CSMD1: variants seen among roughly 807,000 people sequenced by gnomAD.
The protein encoded by CSMD1 is CUB and Sushi multiple domains 1.
Under a neutral mutation model 417.5 loss-of-function variants are expected in CSMD1, and 213 were observed. The ratio of observed to expected loss-of-function variants is 0.51; its 90% CI spans 0.46 to 0.57. CSMD1 has a LOEUF of 0.57. CSMD1 is among the 20% of genes least tolerant of loss of function. The probability of loss-of-function intolerance (pLI) is 0.00; values close to 1 mark genes in which losing one functional copy is unlikely to be tolerated. For missense variants in CSMD1, 6,923 were observed against 4,529.7 expected, an observed-to-expected ratio of 1.53 and a Z score of -15.17; for synonymous variants, 2,862 against 1,736.8, an observed-to-expected ratio of 1.65 and a Z score of -16.11.
intron 5 of CSMD1, among the ~76,000 whole-genome samples, chr8:3,901,468 T>G (rs1807746910): frequency 2.0e-5 from 3 of 152,222 alleles, no homozygotes; most frequent in South Asian, 2.1e-4. Context: ...TATTTTCCAC[T>G]TGATAGATCT....
At chr8:3,368,814 T>C (rs1298920756) in intron 19 of CSMD1, among the ~76,000 whole-genome samples, 1 of 152,210 alleles carries the variant, frequency 6.6e-6, no homozygotes, top group Non-Finnish European at 1.5e-5. Flanking sequence ...CATCTCTGGA[T>C]TATGTGAAGA....
intron 3 of CSMD1, among the ~76,000 whole-genome samples, chr8:4,269,079 C>T (rs775263736): frequency 3.9e-5 from 6 of 152,200 alleles, no homozygotes; most frequent in Admixed American, 1.3e-4. Context: ...GTTTTTGAGA[C>T]GGAGTCTCAC....
intron 12 of CSMD1, among the ~76,000 whole-genome samples, chr8:3,450,944 G>T (rs746604662): frequency 1.3e-5 from 2 of 152,074 alleles, no homozygotes; most frequent in Non-Finnish European, 2.9e-5. Context: ...GTGTAAAAGT[G>T]TTCCTATTTC....
chr8:3,792,396 C>G (rs1184108242), intron 5 of CSMD1, among the ~76,000 whole-genome samples: 1 of 152,180 alleles, frequency 6.6e-6, no homozygotes, highest in Non-Finnish European at 1.5e-5. Flanking sequence ...TGCCTCATTT[C>G]TTAACCATGA....
intron 26 of CSMD1, among the ~76,000 whole-genome samples, chr8:3,240,296 G>C (rs1799413576): frequency 6.6e-6 from 1 of 152,148 alleles, no homozygotes; most frequent in South Asian, 2.1e-4. Context: ...ACGGAAAGAG[G>C]AGTGGGGAAA....
intron 10 of CSMD1, among the ~76,000 whole-genome samples, chr8:3,546,791 C>A (rs1798685535): frequency 6.6e-6 from 1 of 152,298 alleles, no homozygotes; most frequent in Middle Eastern, 3.4e-3. Flanking sequence ...GAACAGGATT[C>A]TGCAGCTCCC....
chr8:4,068,534 A>T (rs770409795), intron 3 of CSMD1, among the ~76,000 whole-genome samples: 3 of 152,242 alleles, frequency 2.0e-5, no homozygotes, highest in Non-Finnish European at 4.4e-5. Context: ...CAAAATGCAG[A>T]AACATAAAAT....
chr8:3,343,917 A>C (rs1160233590), intron 22 of CSMD1, among the ~76,000 whole-genome samples: 1 of 152,160 alleles, frequency 6.6e-6, no homozygotes, highest in African/African-American at 2.4e-5. Context: ...AAGGACAACA[A>C]GATGTGCCGG....
chr8:3,721,074 C>T (rs561179933), intron 6 of CSMD1, among the ~76,000 whole-genome samples: 157 of 152,220 alleles, frequency 1.0e-3, no homozygotes, highest in African/African-American at 3.5e-3. Flanking sequence ...CTGCCCGCCT[C>T]GGCCTCCCAA....
At chr8:4,434,920 G>GA (rs1798071119) in intron 2 of CSMD1, among the ~76,000 whole-genome samples, 1 of 152,142 alleles carries the variant, frequency 6.6e-6, no homozygotes. Flanking sequence ...GACTCTGCAT[G>GA]ACAAAGTGAC....
At chr8:4,876,420 T>C (rs1005727392) in intron 1 of CSMD1, among the ~76,000 whole-genome samples, 48 of 152,106 alleles carry the variant, frequency 3.2e-4, no homozygotes, top group Non-Finnish European at 1.2e-4. Flanking sequence ...AGTGGCCTGT[T>C]TTTGTAAAGA....
At chr8:3,007,894 A>C (rs1412889041) in intron 52 of CSMD1, among the ~76,000 whole-genome samples, 1 of 152,094 alleles carries the variant, frequency 6.6e-6, no homozygotes, top group Non-Finnish European at 1.5e-5. Context: ...CACAATGTGC[A>C]CATGTACCCT....
At chr8:4,734,461 T>G (rs767906091) in intron 1 of CSMD1, among the ~76,000 whole-genome samples, 24 of 152,172 alleles carry the variant, frequency 1.6e-4, no homozygotes, top group Non-Finnish European at 3.5e-4. Context: ...CTGTGACTAA[T>G]AACTTTTCTT....
chr8:4,547,861 G>C (rs895844581), intron 2 of CSMD1, among the ~76,000 whole-genome samples: 2 of 152,152 alleles, frequency 1.3e-5, no homozygotes, highest in Non-Finnish European at 1.5e-5. Flanking sequence ...ACGGGGATTG[G>C]ACGGGATATC....
At chr8:4,084,708 C>G (rs1480405491) in intron 3 of CSMD1, among the ~76,000 whole-genome samples, 1 of 151,882 alleles carries the variant, frequency 6.6e-6, no homozygotes, top group Non-Finnish European at 1.5e-5. Flanking sequence ...TTAGCAATAA[C>G]AGAAAAAGCA....
rs970366039 is a variant in CSMD1 at position 4,994,534 on chromosome 8, A to G, written c.-118T>C. 1 of 912,642 alleles carries G rather than the reference A, an allele frequency of 1.1e-6. No individual in the cohort carries two copies. The highest frequency in any genetic ancestry group is 1.7e-6 in the Non-Finnish European group (1 of 593,340). The allele number at this position is 912,642 out of a possible 1,614,324, so 56.5% of individuals were successfully genotyped here. On this transcript the variant is annotated 5_prime_UTR_variant, in exon 1 of 70. Transcript: ENST00000635120. Reference sequence around the variant, plus strand: ...CGAGCCGGAGAGAGAGCCCGGTCCCAAGACCCGCCGCGCATCCGACGCCTC... The same window carrying G: ...CGAGCCGGAGAGAGAGCCCGGTCCCGAGACCCGCCGCGCATCCGACGCCTC...
chr8:4,422,219 A>G (rs550516410), intron 2 of CSMD1, among the ~76,000 whole-genome samples: 1 of 152,230 alleles, frequency 6.6e-6, no homozygotes, highest in East Asian at 1.9e-4. Context: ...ACTTTAAAGA[A>G]TTAACACTAA....
intron 2 of CSMD1, among the ~76,000 whole-genome samples, chr8:4,606,640 T>C (rs775482625): frequency 2.0e-5 from 3 of 152,196 alleles, no homozygotes; most frequent in Non-Finnish European, 4.4e-5. Flanking sequence ...GGGCTTAAGA[T>C]TGCAGTCAAC....
At chr8:3,155,358 G>GTTTTTTTTTTTTTT (rs763097673) in intron 39 of CSMD1, among the ~76,000 whole-genome samples, 15 of 48,092 alleles carry the variant, frequency 3.1e-4, no homozygotes, top group South Asian at 9.9e-4. Flanking sequence ...TCAAGGCTGG[G>GTTTTTTTTTTTTTT]ATTTTTTTTT....
Sources: allele counts gnomAD v4.1 joint callset (sites outside exome capture counted in the v4.1 genomes callset), GRCh38; gene constraint gnomAD v4.1.1; transcripts MANE v1.5; gene names NCBI Gene and HGNC (gene_info 2026-07-23, HGNC 2026-07-21).